Variants in NRDC observed in about 807,000 individuals in gnomAD.
The protein encoded by NRDC is nardilysin convertase, also known as nardilysin.
NRDC carries 54 observed loss-of-function variants against 147.1 expected under a neutral mutation model. That is an observed-to-expected ratio of 0.37 (90% CI 0.29 to 0.46). The LOEUF (loss-of-function observed/expected upper bound fraction) is 0.46, where lower values mean the gene tolerates loss of function less well. Among genes scored for constraint, NRDC ranks in the 20% least tolerant of loss-of-function variants. NRDC has a pLI of 1.00. For synonymous variants in NRDC, 440 were observed against 482.1 expected (o/e 0.91, Z 1.14); for missense variants, 1,082 against 1,370.6 (o/e 0.79, Z 3.33).
intron 19 of NRDC, 128 bp from the exon 20 acceptor site, chr1:51,804,092 G>A (rs1266321379): frequency 2.7e-6 from 2 of 751,092 alleles, no homozygotes; most frequent in African/African-American, 1.8e-5. Context: ...GAATGTAAAA[G>A]GTAATACAGC....
chr1:51,790,960 CTCTTCTA>C lies in NRDC; in HGVS notation c.2984_2990del (p.Ile995SerfsTer28), dbSNP rs1015847442. The stretch of plus-strand genomic sequence containing the variant: ...TCTTCTCCTCAAAGCTAGAAAGAAA[CTCTTCTA>C]TCTTCTTATCAACAACTTCAGAACT... On this transcript the variant is annotated frameshift_variant, in exon 28 of 31. Coordinates refer to ENST00000352171, the MANE Select transcript of NRDC (RefSeq NM_001101662.2). LOFTEE classifies it high-confidence loss of function. The C allele has an allele frequency of 6.2e-7, 1 of 1,613,492 alleles. No individual in the cohort carries two copies. Among genetic ancestry groups the C allele is most frequent in the Non-Finnish European group, 8.5e-7 (1 of 1,179,484 alleles).
At chr1:51,812,149 G>C (rs751446668) in intron 14 of NRDC, 51 bp from the exon 15 acceptor site, 2 of 1,243,890 alleles carry the variant, frequency 1.6e-6, no homozygotes, top group Admixed American at 1.7e-5. Context: ...TATTATATTT[G>C]ATTTACCACA....
chr1:51,794,773 C>G, intron 23 of NRDC, 50 bp downstream of exon 23: 1 of 1,608,166 alleles, frequency 6.2e-7, no homozygotes, highest in African/African-American at 1.3e-5. Flanking sequence ...GCTCCATGCC[C>G]TCTCGCTGGT....
intron 1 of NRDC, among the ~76,000 whole-genome samples, chr1:51,842,776 C>A (rs1391409887): frequency 6.6e-6 from 1 of 152,064 alleles, no homozygotes. Context: ...ACACAAAATG[C>A]AAAACAGGGC....
At chr1:51,813,134 A>T (rs1679806531) in intron 14 of NRDC, among the ~76,000 whole-genome samples, 1 of 152,188 alleles carries the variant, frequency 6.6e-6, no homozygotes, top group African/African-American at 2.4e-5. Context: ...AAAAAAATTA[A>T]AATGTGACTG....
In NRDC at chr1:51,824,615, A is replaced by T. The variant is rs193234829; in HGVS notation, c.1036+672T>A. Among the ~76,000 whole-genome samples, 17 of 152,352 alleles carry T rather than the reference A, an allele frequency of 1.1e-4. No homozygotes were observed. The East Asian group carries it at 2.7e-3, about 24-fold the overall frequency. On this transcript the variant is annotated intron_variant, in intron 6 of 30. Coordinates refer to ENST00000352171, the MANE Select transcript of NRDC (RefSeq NM_001101662.2). ...ATCCTCCCACTAAGAAAATGCCATTATGAAAAACAGACACCAGTTAAACAG... is the reference window on the plus strand; with the variant it reads ...ATCCTCCCACTAAGAAAATGCCATTTTGAAAAACAGACACCAGTTAAACAG...
intron 6 of NRDC, among the ~76,000 whole-genome samples, chr1:51,824,665 C>T (rs977307826): frequency 6.6e-6 from 1 of 152,118 alleles, no homozygotes; most frequent in African/African-American, 2.4e-5. Flanking sequence ...AAAATTAAGT[C>T]GCAGTTCAAA....
chr1:51,813,284 C>T lies in NRDC; in HGVS notation c.1674+751G>A, dbSNP rs374396554. ...GAACGTAGTCAATTCAAGTATTTAC[C>T]GAGCACCCAGATACACAGACTCTTA... is the stretch of plus-strand genomic sequence containing the variant. On this transcript the variant is annotated intron_variant, in intron 14 of 30. Transcript: ENST00000352171. Among the ~76,000 whole-genome samples the T allele has an allele frequency of 2.2e-4, 34 of 152,160 alleles. 1 individual carries two copies. In the South Asian group the frequency reaches 6.0e-3, roughly 27 times the overall value.
chr1:51,847,872 C>T (rs868613727), intron 1 of NRDC, among the ~76,000 whole-genome samples: 1 of 152,200 alleles, frequency 6.6e-6, no homozygotes, highest in Admixed American at 6.5e-5. Context: ...GCACCGAGGC[C>T]GAGGAGGCGC....
intron 1 of NRDC, among the ~76,000 whole-genome samples, chr1:51,846,709 G>A (rs563280651): frequency 1.4e-4 from 22 of 152,208 alleles, no homozygotes; most frequent in Admixed American, 5.2e-4. Flanking sequence ...AAGATTTATC[G>A]CCAACAGCGA....
At position 51,808,871 on chromosome 1, in the gene NRDC, T is replaced by C. The variant is rs546365339; in HGVS notation, c.1990+444A>G. On this transcript the variant is annotated intron_variant, in intron 17 of 30. Transcript: ENST00000352171. Reference sequence around the variant, plus strand: ...CAATGAAACACTTTGCTATTTTCTATTCTAACTGATTTTTTAATGCTTTCA... The same window carrying C: ...CAATGAAACACTTTGCTATTTTCTACTCTAACTGATTTTTTAATGCTTTCA... Among the ~76,000 whole-genome samples the C allele has an allele frequency of 1.4e-4, 21 of 152,352 alleles. No individual in the cohort carries two copies. In the East Asian group the frequency reaches 2.7e-3, roughly 20 times the overall value.
At chr1:51,839,041 C>G (rs2149221887) in intron 2 of NRDC, among the ~76,000 whole-genome samples, 1 of 152,184 alleles carries the variant, frequency 6.6e-6, no homozygotes, top group South Asian at 2.1e-4. Flanking sequence ...TAGTAAAAAA[C>G]TGGTACAATC....
chr1:51,790,707 C>T (rs1263107830), intron 28 of NRDC, 58 bp from the exon 29 acceptor site: 4 of 1,251,516 alleles, frequency 3.2e-6, no homozygotes, highest in African/African-American at 1.5e-5. Flanking sequence ...TCCCACAGAA[C>T]ACACTGGGCC....
rs372371293 is a variant in NRDC, at chr1:51,834,051, C to T, written c.832G>A (p.Val278Ile). Residue 278 changes from valine to isoleucine, a missense_variant, in exon 4 of 31, where the codon GTC becomes ATC. Transcript: ENST00000352171. ...DCERTVFQFDVQRKYFKEALD... is the reference protein window; with the variant it reads ...DCERTVFQFDIQRKYFKEALD... ...GCTTCCTTGAAGTACTTCCTCTGGA[C>T]ATCAAACTGAAAGACAGTGCGTTCA... is the stretch of plus-strand genomic sequence containing the variant. 3.1e-6 allele frequency: 5 copies of T among 1,613,952 alleles called. No individual in the cohort carries two copies. The African/African-American group carries it at 5.3e-5, about 17-fold the overall frequency.
rs545669663 is a variant in NRDC, at chr1:51,791,117, A to G, written c.2961-127T>C. On this transcript the variant is annotated intron_variant, in intron 27 of 30. Coordinates refer to ENST00000352171, the MANE Select transcript of NRDC (RefSeq NM_001101662.2). ...AGACATATATCCAGGAAAAAAAGCT[A>G]AAGTGTTTTCCCAGGCCTCAGTATT... 7.0e-4 allele frequency: 476 copies of G among 681,130 alleles called. 5 individuals are homozygous for G. The South Asian group carries it at 8.9e-3, about 13-fold the overall frequency. The allele number at this position is 681,130 out of a possible 1,614,324, so 42.2% of individuals were successfully genotyped here.
Position 51,878,461 on chromosome 1 carries a change from C to T in NRDC, c.155G>A (p.Gly52Glu). 1 of 1,614,030 alleles carries T rather than the reference C, an allele frequency of 6.2e-7. No homozygotes were observed. The highest frequency in any genetic ancestry group is 1.1e-5 in the South Asian group (1 of 91,076). ...ARPFPILAMPGRNKAKSTCSC... is the reference protein window; with the variant it reads ...ARPFPILAMPERNKAKSTCSC... ...GCAGGTAGACTTCGCCTTGTTCCTT[C>T]CAGGCATGGCCAGAATAGGAAAGGG... Residue 52 changes from glycine (G) to glutamate (E), a missense_variant, in exon 1 of 31, where the codon GGA (glycine) becomes GAA (glutamate). Physicochemically the swap from Gly to Glu is moderately conservative, Grantham distance 98. Transcript: ENST00000352171.
intron 1 of NRDC, among the ~76,000 whole-genome samples, chr1:51,876,775 G>A (rs1388464867): frequency 6.6e-6 from 1 of 152,252 alleles, no homozygotes; most frequent in Non-Finnish European, 1.5e-5. Context: ...AAGAGGTGTG[G>A]TGGGAAGTGG....
Position 51,840,261 on chromosome 1 carries a change from T to C in NRDC, c.595A>G (p.Arg199Gly). 1 of 1,606,418 alleles carries C rather than the reference T, an allele frequency of 6.2e-7. No individual in the cohort carries two copies. Among genetic ancestry groups the C allele is most frequent in the Non-Finnish European group, 8.5e-7 (1 of 1,176,866 alleles). The change falls in exon 2 of 31, where the codon AGA (arginine) becomes GGA (glycine). Residue 199 changes from arginine (R) to glycine (G), a missense_variant. Physicochemically the swap from Arg to Gly is moderately radical, Grantham distance 125 (BLOSUM62 -2). Coordinates refer to ENST00000352171, the MANE Select transcript of NRDC (RefSeq NM_001101662.2). ...GTAGTTTTTTTTCTAGCTTCTGCTC[T>C]CTCTTCTAATTCTTCCAATTCATTA... The part of the protein sequence containing the change: ...EDNELEELEE[R>G]AEARKKTTEK...
At chr1:51,839,160 C>T (rs201409749) in intron 2 of NRDC, among the ~76,000 whole-genome samples, 10 of 133,766 alleles carry the variant, frequency 7.5e-5, no homozygotes, top group African/African-American at 8.4e-5. Flanking sequence ...TTTTCTTTTT[C>T]TTTTTTTTTT....
Sources: gnomAD v4.1 joint callset for allele counts (sites outside exome capture counted in the v4.1 genomes callset) on GRCh38, gnomAD v4.1.1 for gene constraint, MANE v1.5 for transcripts, NCBI Gene and HGNC (gene_info 2026-07-23, HGNC 2026-07-21) for gene names.